TFAP2E: variants seen among roughly 807,000 people sequenced by gnomAD.
TFAP2E encodes transcription factor AP-2-epsilon.
In TFAP2E, 30 loss-of-function variants were observed where a neutral mutation model predicts 37.9. The observed-to-expected ratio is 0.79, with a 90% CI of 0.59 to 1.07. The LOEUF is 1.07. Ranked by LOEUF, TFAP2E falls within the 50% of genes least tolerant of loss-of-function variation. TFAP2E has a pLI of 0.00. For missense variants in TFAP2E, 567 were observed against 637.9 expected, an observed-to-expected ratio of 0.89 and a Z score of 1.20; for synonymous variants, 318 against 295.8, an observed-to-expected ratio of 1.08 and a Z score of -0.77.
chr1:35,575,323 C>A (rs1649139417), intron 3 of TFAP2E, among the ~76,000 whole-genome samples: 1 of 152,250 alleles, frequency 6.6e-6, no homozygotes, highest in African/African-American at 2.4e-5. Context: ...CCCTGTTTCC[C>A]TAAGAGATGG....
rs145503330 is a variant in TFAP2E at position 35,587,367 on chromosome 1, C to T, written c.563-963C>T. ...TAGAAAATTAACTTCTGGCCGGGCACGGTGGCTCATGCCTGTAATCCCAGC... is the reference window on the plus strand; with the variant it reads ...TAGAAAATTAACTTCTGGCCGGGCATGGTGGCTCATGCCTGTAATCCCAGC... On this transcript the variant is annotated intron_variant, in intron 3 of 6. Coordinates refer to ENST00000373235, the MANE Select transcript of TFAP2E (RefSeq NM_178548.4). 5.5e-3 allele frequency among the ~76,000 whole-genome samples: 842 copies of T among 152,168 alleles called. 9 individuals are homozygous for T. The highest frequency in any genetic ancestry group is 0.019 in the African/African-American group (799 of 41,524).
Position 35,594,892 on chromosome 1 carries a change from C to A in TFAP2E, c.*216C>A. The A allele has an allele frequency of 1.6e-6, 1 of 631,192 alleles. No homozygotes were observed. Among genetic ancestry groups the A allele is most frequent in the Non-Finnish European group, 2.7e-6 (1 of 372,926 alleles). 39.1% of individuals were successfully genotyped at this position (631,192 alleles called of 1,614,324 possible). ...GTAAGTTAAGGGCCCAGGTATTTGT[C>A]TCATGTGTGCAATTTTCTGACCTTT... is the stretch of plus-strand genomic sequence containing the variant. On this transcript the variant is annotated 3_prime_UTR_variant, in exon 7 of 7. Coordinates refer to ENST00000373235, the MANE Select transcript of TFAP2E (RefSeq NM_178548.4).
At chr1:35,579,439 T>C (rs777188887) in intron 3 of TFAP2E, among the ~76,000 whole-genome samples, 6 of 151,866 alleles carry the variant, frequency 4.0e-5, no homozygotes, top group Non-Finnish European at 8.8e-5. Context: ...AGTTTTACTC[T>C]CTCGCCCAGG....
intron 6 of TFAP2E, among the ~76,000 whole-genome samples, chr1:35,594,103 AGT>A (rs1649761293): frequency 6.6e-6 from 1 of 152,206 alleles, no homozygotes; most frequent in African/African-American, 2.4e-5. Context: ...TATATAAGGT[AGT>A]AAGTAGCTGA....
intron 3 of TFAP2E, among the ~76,000 whole-genome samples, chr1:35,580,023 A>T (rs1054113293): frequency 2.0e-5 from 3 of 147,370 alleles, no homozygotes. Context: ...CCTGACCAAC[A>T]TGGTGAAATG....
chr1:35,586,854 G>A (rs1186977517), intron 3 of TFAP2E, among the ~76,000 whole-genome samples: 1 of 152,176 alleles, frequency 6.6e-6, no homozygotes, highest in Non-Finnish European at 1.5e-5. Flanking sequence ...CCTCAGCCCT[G>A]GCACCATTCT....
rs897367743 is a variant in TFAP2E at position 35,588,995 on chromosome 1, G to A, written c.785+443G>A. Among the ~76,000 whole-genome samples the A allele has an allele frequency of 1.3e-5, 2 of 152,128 alleles. No homozygotes were observed. The highest frequency in any genetic ancestry group is 4.8e-5 in the African/African-American group (2 of 41,414). On this transcript the variant is annotated intron_variant, in intron 4 of 6. Coordinates refer to ENST00000373235, the MANE Select transcript of TFAP2E (RefSeq NM_178548.4). The surrounding 1 kb of genome is among the most constrained non-coding windows in gnomAD (Gnocchi z 5.1). ...CCTAGACCTGTGTCTCTCTCTCTCTGTGCATGTCTTTGTGCCTGGGAAGGG... is the reference window on the plus strand; with the variant it reads ...CCTAGACCTGTGTCTCTCTCTCTCTATGCATGTCTTTGTGCCTGGGAAGGG...
intron 3 of TFAP2E, among the ~76,000 whole-genome samples, chr1:35,585,012 A>C (rs1490521723): frequency 6.6e-6 from 1 of 152,110 alleles, no homozygotes; most frequent in African/African-American, 2.4e-5. Context: ...GAAGACACCC[A>C]TGGAAACAGA....
At position 35,574,109 on chromosome 1, in the gene TFAP2E, C is replaced by A; in HGVS notation, c.210C>A (p.Pro70=). 6.8e-7 allele frequency: 1 copy of A among 1,463,092 alleles called. No homozygotes were observed. Among genetic ancestry groups the A allele is most frequent in the Non-Finnish European group, 9.0e-7 (1 of 1,109,816 alleles). 90.6% of individuals were successfully genotyped at this position (1,463,092 alleles called of 1,614,324 possible). Reference sequence around the variant, plus strand: ...CACCGCTGCCCTACGGTCAGGCGCCCGACGCCGCCGCAGCCTTTCCCCACC... The same window carrying A: ...CACCGCTGCCCTACGGTCAGGCGCCAGACGCCGCCGCAGCCTTTCCCCACC... ...PQPPLPYGQA[P]DAAAAFPHLA... The change falls in exon 2 of 7, where the codon CCC becomes CCA. Residue 70 remains proline (P), a synonymous_variant. Transcript: ENST00000373235.
chr1:35,576,190 G>C (rs572985651), intron 3 of TFAP2E, among the ~76,000 whole-genome samples: 6 of 152,312 alleles, frequency 3.9e-5, no homozygotes, highest in Admixed American at 3.3e-4. Context: ...GTGGTAGCAG[G>C]GCTGGGGCTG....
At chr1:35,587,231 G>T (rs915712435) in intron 3 of TFAP2E, among the ~76,000 whole-genome samples, 4 of 152,228 alleles carry the variant, frequency 2.6e-5, no homozygotes, top group African/African-American at 9.6e-5. Flanking sequence ...TTCCGCTAAA[G>T]AAGCAAGTGC....
Position 35,577,427 on chromosome 1 carries a change from C to T in TFAP2E, c.562+2427C>T, listed in dbSNP as rs1037314621. On this transcript the variant is annotated intron_variant, in intron 3 of 6. Transcript: ENST00000373235. The surrounding 1 kb of genome is among the most constrained non-coding windows in gnomAD (Gnocchi z 6.3). ...GGCCCTTCCGACGGCACGAGGAACT[C>T]CTGTCCTGCCCCACAGACCTTCGGC... The T allele has an allele frequency of 4.4e-6, 2 of 456,696 alleles. No homozygotes were observed. The highest frequency in any genetic ancestry group is 4.0e-5 in the African/African-American group (2 of 50,110). The allele number at this position is 456,696 out of a possible 1,614,324, so 28.3% of individuals were successfully genotyped here.
rs573062825 is a variant in TFAP2E, at chr1:35,575,364, G to A, written c.562+364G>A. Among the ~76,000 whole-genome samples the A allele has an allele frequency of 3.9e-5, 6 of 152,388 alleles. No homozygotes were observed. The East Asian group carries it at 1.2e-3, about 29-fold the overall frequency. On this transcript the variant is annotated intron_variant, in intron 3 of 6. Transcript: ENST00000373235. Reference sequence around the variant, plus strand: ...GAAGTGCTGTTCCCACGGAGTTGGGGAAATGATTTTCACTTTACAGTGCCT... The same window carrying A: ...GAAGTGCTGTTCCCACGGAGTTGGGAAAATGATTTTCACTTTACAGTGCCT...
At chr1:35,581,850 G>T (rs1345371224) in intron 3 of TFAP2E, among the ~76,000 whole-genome samples, 3 of 151,700 alleles carry the variant, frequency 2.0e-5, no homozygotes, top group Non-Finnish European at 2.9e-5. Context: ...GGGCTTACAG[G>T]TATGAGCCAC....
intron 3 of TFAP2E, among the ~76,000 whole-genome samples, chr1:35,578,285 G>A (rs924034356): frequency 2.6e-5 from 4 of 152,120 alleles, no homozygotes; most frequent in African/African-American, 7.2e-5. Flanking sequence ...CAAATTAGCC[G>A]GGCATGGTGG....
chr1:35,586,632 AAAAG>A (rs1649487644), intron 3 of TFAP2E, among the ~76,000 whole-genome samples: 1 of 152,108 alleles, frequency 6.6e-6, no homozygotes, highest in South Asian at 2.1e-4. Flanking sequence ...GAGAAACAAA[AAAAG>A]AAAGCTGTAG....
At chr1:35,575,130 C>A in intron 3 of TFAP2E, 130 bp downstream of exon 3, 1 of 1,210,812 alleles carries the variant, frequency 8.3e-7, no homozygotes, top group Non-Finnish European at 1.2e-6. Context: ...CTCTTCCTGG[C>A]CCAGCCAGAT....
intron 3 of TFAP2E, among the ~76,000 whole-genome samples, chr1:35,581,761 G>A (rs755223790): frequency 2.6e-5 from 4 of 151,714 alleles, no homozygotes; most frequent in Non-Finnish European, 5.9e-5. Flanking sequence ...TAGTAGAGAC[G>A]GGGTTTCTCC....
chr1:35,576,811 G>T (rs959273992), intron 3 of TFAP2E, among the ~76,000 whole-genome samples: 1 of 152,218 alleles, frequency 6.6e-6, no homozygotes, highest in Non-Finnish European at 1.5e-5. Flanking sequence ...AACACAACGA[G>T]AGTCCTAACA....
Sources: allele counts gnomAD v4.1 joint callset (sites outside exome capture counted in the v4.1 genomes callset), GRCh38; gene constraint gnomAD v4.1.1; non-coding constraint Gnocchi (gnomAD v3.1); transcripts MANE v1.5; gene names NCBI Gene and HGNC (gene_info 2026-07-23, HGNC 2026-07-21).